The following ZNF573 variants were observed in gnomAD, a reference collection of about 807,000 sequenced individuals.
ZNF573 encodes zinc finger protein 573.
ZNF573 carries 41 observed loss-of-function variants against 57.4 expected under a neutral mutation model. The ratio of observed to expected loss-of-function variants is 0.71; its 90% CI spans 0.56 to 0.93. The LOEUF is 0.93. Ranked by LOEUF, ZNF573 falls within the 40% of genes least tolerant of loss-of-function variation. The pLI is 0.00. For missense variants in ZNF573, 730 were observed against 794.8 expected, an observed-to-expected ratio of 0.92 and a Z score of 0.98; for synonymous variants, 249 against 261.0, an observed-to-expected ratio of 0.95 and a Z score of 0.44.
intron 4 of ZNF573, among the ~76,000 whole-genome samples, chr19:37,746,819 C>T (rs543801992): frequency 6.8e-4 from 103 of 152,218 alleles, no homozygotes; most frequent in African/African-American, 2.4e-3. Flanking sequence ...CTCCTGACCT[C>T]GTGATCTGCC....
At chr19:37,745,801 T>C (rs1262348537) in intron 4 of ZNF573, among the ~76,000 whole-genome samples, 1 of 152,240 alleles carries the variant, frequency 6.6e-6, no homozygotes, top group Non-Finnish European at 1.5e-5. Flanking sequence ...ATAAGGGTTA[T>C]AAATAATTCT....
chr19:37,761,008 G>A lies in ZNF573; in HGVS notation c.295+8997C>T, dbSNP rs141844098. Among the ~76,000 whole-genome samples, 377 of 152,124 alleles carry A rather than the reference G, an allele frequency of 2.5e-3. 2 individuals are homozygous for A. The highest frequency in any genetic ancestry group is 8.8e-3 in the African/African-American group (366 of 41,496). On this transcript the variant is annotated intron_variant, in intron 4 of 4. Coordinates refer to ENST00000536220, the MANE Select transcript of ZNF573 (RefSeq NM_001172690.2). ...AGGTCAGGGGCTCAAGACCAGCCTG[G>A]TCAACATGGTGAAAACCCATCTCTA...
Position 37,778,024 on chromosome 19 carries a change from CAAAAAAA to C in ZNF573, c.-23+1513_-23+1519del, listed in dbSNP as rs34141847. On this transcript the variant is annotated intron_variant, in intron 1 of 4. Transcript: ENST00000536220. ...TGGGCGACAGAGCGAGACTCTGTCT[CAAAAAAA>C]AAAAAAAAAAAAAAGTAATATTTAA... Among the ~76,000 whole-genome samples, 14 of 56,118 alleles carry C rather than the reference CAAAAAAA, an allele frequency of 2.5e-4. No individual in the cohort carries two copies. The East Asian group carries it at 6.4e-3, about 26-fold the overall frequency. 36.8% of individuals were successfully genotyped at this position (56,118 alleles called of 152,430 possible).
intron 4 of ZNF573, among the ~76,000 whole-genome samples, chr19:37,760,272 A>G (rs2045538410): frequency 6.6e-6 from 1 of 152,196 alleles, no homozygotes; most frequent in Non-Finnish European, 1.5e-5. Flanking sequence ...TTCCAGGGCT[A>G]TGGCAAAGAA....
chr19:37,771,416 A>AT, intron 3 of ZNF573, 148 bp downstream of exon 3: 1 of 887,148 alleles, frequency 1.1e-6, no homozygotes, highest in African/African-American at 1.7e-5. Context: ...TGGCACAGCC[A>AT]TTGTCAAACA....
Position 37,773,754 on chromosome 19 carries a change from G to A in ZNF573, c.-22-3C>T, listed in dbSNP as rs1285080817. The A allele has an allele frequency of 1.3e-6, 2 of 1,517,390 alleles. No individual in the cohort carries two copies. Among genetic ancestry groups the A allele is most frequent in the African/African-American group, 2.7e-5 (2 of 72,734 alleles). The allele number at this position is 1,517,390 out of a possible 1,614,324, so 94.0% of individuals were successfully genotyped here. On this transcript the variant is annotated splice_polypyrimidine_tract_variant and splice_region_variant and intron_variant, in intron 1 of 4. Transcript: ENST00000536220. ...TTCAAACTCCAGAGAATCCAGAGCT[G>A]AGAGAAGAAAAGAGATGTTAGTGTT...
chr19:37,760,602 T>C (rs370411398), intron 4 of ZNF573, among the ~76,000 whole-genome samples: 2 of 151,786 alleles, frequency 1.3e-5, no homozygotes, highest in South Asian at 2.1e-4. Flanking sequence ...GGCGGGCAGA[T>C]CACAAGGTCA....
chr19:37,739,092 A>C lies in ZNF573; in HGVS notation c.1398T>G (p.Gly466=), dbSNP rs893583903. Residue 466 remains glycine, a synonymous_variant, in exon 5 of 5, where the codon GGT becomes GGG. Transcript: ENST00000536220. ...NLTRHQNIHT[G]KKLFECQECG... ...ATTCCTGACATTCAAAAAGTTTCTT[A>C]CCAGTGTGAATATTCTGATGTCGAG... The C allele has an allele frequency of 4.3e-6, 7 of 1,613,464 alleles. No individual in the cohort carries two copies. Among genetic ancestry groups the C allele is most frequent in the Non-Finnish European group, 5.1e-6 (6 of 1,179,870 alleles).
At chr19:37,755,339 TC>T (rs2045477836) in intron 4 of ZNF573, 1 of 152,226 alleles carries the variant, frequency 6.6e-6, no homozygotes. Context: ...AAACTTTATT[TC>T]AAGTGGACAA....
chr19:37,767,708 C>T (rs2045615447), intron 4 of ZNF573, among the ~76,000 whole-genome samples: 2 of 152,132 alleles, frequency 1.3e-5, no homozygotes, highest in African/African-American at 4.8e-5. Context: ...GACCCCTCTA[C>T]TTATTTAGAG....
chr19:37,739,902 C>T lies in ZNF573; in HGVS notation c.588G>A (p.Gly196=), dbSNP rs761307003. 7 of 1,613,918 alleles carry T rather than the reference C, an allele frequency of 4.3e-6. No individual in the cohort carries two copies. Among genetic ancestry groups the T allele is most frequent in the Non-Finnish European group, 5.9e-6 (7 of 1,179,974 alleles). Residue 196 remains glycine, a synonymous_variant, in exon 5 of 5, where the codon GGG becomes GGA. Coordinates refer to ENST00000536220, the MANE Select transcript of ZNF573 (RefSeq NM_001172690.2). The part of the protein sequence containing the change: ...GEKPYECTEC[G]KNFRSGYQLT... ...GCTGATAACCACTTCTAAAGTTCTT[C>T]CCACATTCTGTACATTCATAGGGTT...
chr19:37,774,212 G>A (rs751106817), intron 1 of ZNF573, among the ~76,000 whole-genome samples: 14 of 140,116 alleles, frequency 1.0e-4, no homozygotes, highest in Admixed American at 1.6e-4. Context: ...ATCTTGGCTC[G>A]CTGCAACCTC....
At chr19:37,764,434 T>G (rs2045582203) in intron 4 of ZNF573, among the ~76,000 whole-genome samples, 1 of 150,526 alleles carries the variant, frequency 6.6e-6, no homozygotes, top group African/African-American at 2.4e-5. Context: ...AATTCTCCTG[T>G]CTCAGCCTCC....
chr19:37,777,758 G>A (rs1458812473), intron 1 of ZNF573, among the ~76,000 whole-genome samples: 4 of 143,554 alleles, frequency 2.8e-5, no homozygotes, highest in East Asian at 4.2e-4. Context: ...AAAAAAAGCC[G>A]GTCGTGGTGG....
At chr19:37,763,282 G>A (rs1162003486) in intron 4 of ZNF573, among the ~76,000 whole-genome samples, 1 of 151,310 alleles carries the variant, frequency 6.6e-6, no homozygotes, top group Non-Finnish European at 1.5e-5. Context: ...TATATACTTA[G>A]GTTAAGAGTA....
rs372099662 is a variant in ZNF573, at chr19:37,739,323, C to T, written c.1167G>A (p.Lys389=). 50 of 1,613,950 alleles carry T rather than the reference C, an allele frequency of 3.1e-5. No homozygotes were observed. In the African/African-American group the frequency reaches 6.0e-4, roughly 19 times the overall value. The change falls in exon 5 of 5, where the codon AAG becomes AAA. Residue 389 remains lysine (K), a synonymous_variant. Transcript: ENST00000536220. ...IHTGEKLFEC[K]QCGKTYTTGS... Reference sequence around the variant, plus strand: ...CAGTAGTATAGGTCTTCCCACATTGCTTGCATTCAAAAAGTTTCTCACCAG... The same window carrying T: ...CAGTAGTATAGGTCTTCCCACATTGTTTGCATTCAAAAAGTTTCTCACCAG...
intron 4 of ZNF573, among the ~76,000 whole-genome samples, chr19:37,751,663 C>T (rs1388389209): frequency 1.2e-4 from 13 of 107,096 alleles, no homozygotes; most frequent in Non-Finnish European, 2.2e-4. Flanking sequence ...GTATAGACAG[C>T]ATATATACTG....
intron 3 of ZNF573, among the ~76,000 whole-genome samples, chr19:37,770,832 T>TTATA (rs58757674): frequency 0.017 from 1,623 of 93,364 alleles, 67 homozygotes; most frequent in African/African-American, 0.042. Flanking sequence ...TTAAGTTATT[T>TTATA]TATATATATA....
intron 1 of ZNF573, chr19:37,778,648 C>G (rs770678082): frequency 6.6e-6 from 1 of 152,064 alleles, no homozygotes; most frequent in Non-Finnish European, 1.5e-5. Context: ...AAAAAGCCAA[C>G]TAGCCTAAAC....
Sources: gnomAD v4.1 joint callset for allele counts (sites outside exome capture counted in the v4.1 genomes callset) on GRCh38, gnomAD v4.1.1 for gene constraint, MANE v1.5 for transcripts, NCBI Gene and HGNC (gene_info 2026-07-23, HGNC 2026-07-21) for gene names.